The following SPAG16 variants were observed in gnomAD, a reference collection of about 807,000 sequenced individuals.
The protein encoded by SPAG16 is sperm-associated antigen 16 protein.
In SPAG16, 86 loss-of-function variants were observed where a neutral mutation model predicts 80.4. The observed-to-expected ratio is 1.07, with a 90% CI of 0.90 to 1.28. The LOEUF (loss-of-function observed/expected upper bound fraction) is 1.28, where lower values mean the gene tolerates loss of function less well. SPAG16 is among the 50% of genes most tolerant of loss of function. SPAG16 has a pLI of 0.00. For missense variants in SPAG16, 870 were observed against 765.3 expected (o/e 1.14, Z -1.61); for synonymous variants, 294 against 265.9 (o/e 1.11, Z -1.03).
chr2:214,051,767 C>G (rs1377287151), intron 13 of SPAG16, among the ~76,000 whole-genome samples: 1 of 152,168 alleles, frequency 6.6e-6, no homozygotes, highest in Non-Finnish European at 1.5e-5. Flanking sequence ...CCAGGTCTGA[C>G]AGGTGACACC....
At chr2:214,398,929 A>G (rs557513186) in intron 15 of SPAG16, among the ~76,000 whole-genome samples, 3 of 152,202 alleles carry the variant, frequency 2.0e-5, no homozygotes, top group South Asian at 4.1e-4. Context: ...GAAAATAATA[A>G]TGTTGCCTTT....
intron 10 of SPAG16, among the ~76,000 whole-genome samples, chr2:213,526,587 A>G (rs1196328896): frequency 6.6e-6 from 1 of 151,980 alleles, no homozygotes; most frequent in East Asian, 1.9e-4. Flanking sequence ...ACCTTAAGAA[A>G]CTTTTTGGCA....
At chr2:214,366,590 T>C (rs576007830) in intron 15 of SPAG16, among the ~76,000 whole-genome samples, 26 of 152,302 alleles carry the variant, frequency 1.7e-4, no homozygotes, top group African/African-American at 6.3e-4. Flanking sequence ...GATTTTGGAA[T>C]TTAATGAATG....
At chr2:213,595,419 G>A (rs982147818) in intron 10 of SPAG16, among the ~76,000 whole-genome samples, 1 of 152,082 alleles carries the variant, frequency 6.6e-6, no homozygotes, top group African/African-American at 2.4e-5. Flanking sequence ...ACATAGGCAG[G>A]TAACTATTGT....
At chr2:213,972,529 A>G (rs545326565) in intron 12 of SPAG16, among the ~76,000 whole-genome samples, 16 of 152,228 alleles carry the variant, frequency 1.1e-4, no homozygotes, top group African/African-American at 3.4e-4. Flanking sequence ...TTTTTGCTCT[A>G]TTTGTGTCTT....
At chr2:213,803,383 T>C (rs2071539832) in intron 10 of SPAG16, among the ~76,000 whole-genome samples, 1 of 152,162 alleles carries the variant, frequency 6.6e-6, no homozygotes, top group East Asian at 1.9e-4. Context: ...GATTTGATGT[T>C]CTTTATCCTA....
intron 15 of SPAG16, among the ~76,000 whole-genome samples, chr2:214,304,294 T>C (rs899400964): frequency 1.3e-5 from 2 of 152,218 alleles, no homozygotes; most frequent in Non-Finnish European, 2.9e-5. Flanking sequence ...ATGTTCTTGA[T>C]GGCCATAACA....
At chr2:214,040,045 G>T (rs960012569) in intron 13 of SPAG16, among the ~76,000 whole-genome samples, 1 of 152,154 alleles carries the variant, frequency 6.6e-6, no homozygotes, top group African/African-American at 2.4e-5. Flanking sequence ...TGGAGCCAAT[G>T]GTCGTCAGAC....
chr2:213,821,719 GCATCTGGTAAC>G (rs903338168), intron 10 of SPAG16, among the ~76,000 whole-genome samples: 1 of 152,006 alleles, frequency 6.6e-6, no homozygotes, highest in Admixed American at 6.6e-5. Context: ...ACCCTTCCTA[GCATCTGGTAAC>G]CATTTTTCTA....
At chr2:214,292,310 T>C (rs985148415) in intron 15 of SPAG16, among the ~76,000 whole-genome samples, 1 of 152,178 alleles carries the variant, frequency 6.6e-6, no homozygotes, top group Non-Finnish European at 1.5e-5. Context: ...TGGAAAGTTT[T>C]GATTTATTGT....
chr2:213,394,176 TC>T (rs1212030115), intron 9 of SPAG16, among the ~76,000 whole-genome samples: 5 of 152,150 alleles, frequency 3.3e-5, no homozygotes, highest in African/African-American at 4.8e-5. Context: ...TATGTTCATA[TC>T]TTTTTTAGCA....
intron 10 of SPAG16, among the ~76,000 whole-genome samples, chr2:213,644,482 A>T (rs2062745462): frequency 6.6e-6 from 1 of 152,198 alleles, no homozygotes; most frequent in Non-Finnish European, 1.5e-5. Context: ...AGTTGTAGAC[A>T]TCCTTCTTGG....
intron 15 of SPAG16, among the ~76,000 whole-genome samples, chr2:214,385,003 C>T (rs747855324): frequency 3.9e-5 from 6 of 152,200 alleles, no homozygotes; most frequent in Non-Finnish European, 8.8e-5. Context: ...CCAGAGACAA[C>T]CATAGAAAAC....
Position 214,229,813 on chromosome 2 carries a change from G to A in SPAG16, c.1720+80547G>A, listed in dbSNP as rs1286558473. 2.0e-5 allele frequency among the ~76,000 whole-genome samples: 3 copies of A among 151,784 alleles called. No individual in the cohort carries two copies. In the Admixed American group the frequency reaches 2.0e-4, roughly 10 times the overall value. On this transcript the variant is annotated intron_variant, in intron 15 of 15. Coordinates refer to ENST00000331683, the MANE Select transcript of SPAG16 (RefSeq NM_024532.5). ...GTGTAGAATACATGTTAATAAAAAT[G>A]TATAATATACACAAACTTCTGGTCT...
intron 10 of SPAG16, among the ~76,000 whole-genome samples, chr2:213,846,819 T>G (rs1163428905): frequency 6.6e-6 from 1 of 152,218 alleles, no homozygotes; most frequent in Non-Finnish European, 1.5e-5. Context: ...TTCACAGTTA[T>G]GTAGGTCAGA....
intron 15 of SPAG16, among the ~76,000 whole-genome samples, chr2:214,321,082 G>A (rs1004294707): frequency 6.6e-5 from 10 of 152,218 alleles, no homozygotes; most frequent in African/African-American, 2.4e-4. Flanking sequence ...ACAGTAAGCT[G>A]TACTTGGTCT....
At position 213,361,473 on chromosome 2, in the gene SPAG16, A is replaced by G. The variant is rs1575362051; in HGVS notation, c.763-2603A>G. Among the ~76,000 whole-genome samples, 4 of 151,406 alleles carry G rather than the reference A, an allele frequency of 2.6e-5. No homozygotes were observed. The South Asian group carries it at 8.3e-4, about 32-fold the overall frequency. ...GAGAGTCTAGAAGTAGTGACACTCC[A>G]CCAGTAATGAACATATCCAGTGTTA... On this transcript the variant is annotated intron_variant, in intron 7 of 15. Transcript: ENST00000331683.
chr2:214,084,400 A>G (rs2051583471), intron 13 of SPAG16, among the ~76,000 whole-genome samples: 1 of 151,938 alleles, frequency 6.6e-6, no homozygotes, highest in Admixed American at 6.6e-5. Flanking sequence ...TTGAAAAAAA[A>G]ATCATCTAGA....
At chr2:213,339,701 T>G (rs563390421) in intron 5 of SPAG16, among the ~76,000 whole-genome samples, 3 of 152,314 alleles carry the variant, frequency 2.0e-5, no homozygotes, top group African/African-American at 4.8e-5. Context: ...TTATATGCTT[T>G]CTTTTCCCAA....
Sources: gnomAD v4.1 joint callset for allele counts (sites outside exome capture counted in the v4.1 genomes callset) on GRCh38, gnomAD v4.1.1 for gene constraint, MANE v1.5 for transcripts, NCBI Gene and HGNC (gene_info 2026-07-23, HGNC 2026-07-21) for gene names.